Variants in EPHX4 observed in about 807,000 individuals in gnomAD.
The protein encoded by EPHX4 is epoxide hydrolase 4, also known as abhydrolase domain containing 7.
Under a neutral mutation model 44.9 loss-of-function variants are expected in EPHX4, and 31 were observed. The observed-to-expected ratio is 0.69, with a 90% CI of 0.52 to 0.93. EPHX4 has a LOEUF of 0.93. Among genes scored for constraint, EPHX4 ranks in the 40% least tolerant of loss-of-function variants. EPHX4 has a pLI of 0.00. For synonymous variants in EPHX4, 151 were observed against 159.7 expected, an observed-to-expected ratio of 0.95 and a Z score of 0.41; for missense variants, 373 against 438.1, an observed-to-expected ratio of 0.85 and a Z score of 1.33.
rs1688571404 is a variant in EPHX4, at chr1:92,045,557, C to T, written c.501C>T (p.Gly167=). 6.2e-7 allele frequency: 1 copy of T among 1,613,938 alleles called. No homozygotes were observed. Among genetic ancestry groups the T allele is most frequent in the South Asian group, 1.1e-5 (1 of 91,036 alleles). Residue 167 remains glycine (G), a synonymous_variant, in exon 4 of 7, where the codon GGC becomes GGT. Coordinates refer to ENST00000370383, the MANE Select transcript of EPHX4 (RefSeq NM_173567.5). ...GGTATAGCAAATGTGTTCTTATTGGCCATGACTGGGGGGGCATGATTGCTT... is the reference window on the plus strand; with the variant it reads ...GGTATAGCAAATGTGTTCTTATTGGTCATGACTGGGGGGGCATGATTGCTT... The part of the protein sequence containing the change: ...SLGYSKCVLI[G]HDWGGMIAWL...
At chr1:92,034,124 C>G (rs1570687066) in intron 2 of EPHX4, among the ~76,000 whole-genome samples, 1 of 132,282 alleles carries the variant, frequency 7.6e-6, no homozygotes, top group African/African-American at 2.8e-5. Context: ...AACCCTGTCT[C>G]TACTAAAAAT....
chr1:92,060,263 A>C (rs1196392224), intron 6 of EPHX4, among the ~76,000 whole-genome samples: 1 of 151,372 alleles, frequency 6.6e-6, no homozygotes, highest in Non-Finnish European at 1.5e-5. Flanking sequence ...TTTTTTTTTT[A>C]ATTAGTCAGC....
intron 2 of EPHX4, among the ~76,000 whole-genome samples, chr1:92,040,514 G>A (rs1450288359): frequency 2.6e-5 from 4 of 152,046 alleles, no homozygotes; most frequent in East Asian, 1.9e-4. Context: ...TAGTAGAAAC[G>A]GGGTTTCTCC....
intron 5 of EPHX4, 91 bp from the exon 6 acceptor site, chr1:92,052,419 C>A: frequency 7.9e-7 from 1 of 1,259,744 alleles, no homozygotes; most frequent in Non-Finnish European, 1.1e-6. Flanking sequence ...TGTCACCACA[C>A]AATGACCACC....
intron 4 of EPHX4, among the ~76,000 whole-genome samples, chr1:92,049,630 A>G (rs953974162): frequency 2.8e-4 from 43 of 152,344 alleles, no homozygotes; most frequent in African/African-American, 1.0e-3. Flanking sequence ...TGAACAAGGC[A>G]TTCAATTTGA....
intron 6 of EPHX4, among the ~76,000 whole-genome samples, chr1:92,054,537 G>A (rs1269649806): frequency 1.4e-5 from 2 of 145,254 alleles, no homozygotes; most frequent in African/African-American, 5.2e-5. Flanking sequence ...GCAGTGAACC[G>A]AGATCACGCC....
At chr1:92,062,234 A>G (rs376200668) in intron 6 of EPHX4, among the ~76,000 whole-genome samples, 6 of 152,102 alleles carry the variant, frequency 3.9e-5, no homozygotes, top group African/African-American at 1.4e-4. Flanking sequence ...AGTAACATAT[A>G]AATAGTTTAA....
chr1:92,031,493 G>A (rs557278780), intron 1 of EPHX4, among the ~76,000 whole-genome samples: 5 of 152,150 alleles, frequency 3.3e-5, no homozygotes, highest in African/African-American at 1.2e-4. Context: ...ACAGAGAACC[G>A]AGTGGAAAGA....
rs572804770 is a variant in EPHX4, at chr1:92,046,545, C to G, written c.604+885C>G. Among the ~76,000 whole-genome samples the G allele has an allele frequency of 1.9e-4, 29 of 152,256 alleles. No homozygotes were observed. In the East Asian group the frequency reaches 3.7e-3, roughly 19 times the overall value. On this transcript the variant is annotated intron_variant, in intron 4 of 6. Coordinates refer to ENST00000370383, the MANE Select transcript of EPHX4 (RefSeq NM_173567.5). ...GTGGCGCCATCTCGGCTCACTGCAA[C>G]CTCCACCTCCTGGGTTCAAGCGATT...
At chr1:92,036,227 T>C (rs1006698141) in intron 2 of EPHX4, among the ~76,000 whole-genome samples, 3 of 152,178 alleles carry the variant, frequency 2.0e-5, no homozygotes, top group African/African-American at 7.2e-5. Flanking sequence ...TTTCACCTCT[T>C]TACGTGCAGA....
intron 6 of EPHX4, among the ~76,000 whole-genome samples, chr1:92,054,998 GC>G (rs1425817066): frequency 2.6e-5 from 4 of 152,054 alleles, no homozygotes; most frequent in South Asian, 2.1e-4. Flanking sequence ...GTATATATAT[GC>G]TAATAATTTT....
At position 92,042,007 on chromosome 1, in the gene EPHX4, C is replaced by A. The variant is rs369188206; in HGVS notation, c.318-816C>A. Among the ~76,000 whole-genome samples, 5 of 152,250 alleles carry A rather than the reference C, an allele frequency of 3.3e-5. No individual in the cohort carries two copies. In the East Asian group the frequency reaches 7.7e-4, roughly 24 times the overall value. On this transcript the variant is annotated intron_variant, in intron 2 of 6. Coordinates refer to ENST00000370383, the MANE Select transcript of EPHX4 (RefSeq NM_173567.5). The stretch of plus-strand genomic sequence containing the variant: ...GAGGTTGCAGTGAGCCAAGATCATG[C>A]CATTGCACTCCAGCCTGGGCAATAA...
chr1:92,030,911 A>T (rs1688350852), intron 1 of EPHX4, among the ~76,000 whole-genome samples: 2 of 152,208 alleles, frequency 1.3e-5, no homozygotes. Flanking sequence ...GGAATGGAAT[A>T]AAAGGTAAAT....
chr1:92,059,261 C>T (rs947358532), intron 6 of EPHX4, among the ~76,000 whole-genome samples: 5 of 152,062 alleles, frequency 3.3e-5, no homozygotes, highest in African/African-American at 1.2e-4. Flanking sequence ...CATAGTGAAA[C>T]CCAGTCTCTA....
intron 2 of EPHX4, among the ~76,000 whole-genome samples, chr1:92,040,223 T>C (rs1688490245): frequency 7.0e-6 from 1 of 142,598 alleles, no homozygotes; most frequent in Admixed American, 7.8e-5. Flanking sequence ...TCACTCAGGC[T>C]GGAGTGCAGT....
chr1:92,031,489 A>T (rs1056633092), intron 1 of EPHX4, among the ~76,000 whole-genome samples: 2 of 152,198 alleles, frequency 1.3e-5, no homozygotes, highest in Non-Finnish European at 2.9e-5. Flanking sequence ...AGAGACAGAG[A>T]ACCGAGTGGA....
intron 1 of EPHX4, among the ~76,000 whole-genome samples, 183 bp from the exon 2 acceptor site, chr1:92,032,322 A>G (rs992088888): frequency 6.6e-6 from 1 of 152,260 alleles, no homozygotes; most frequent in African/African-American, 2.4e-5. Context: ...TTGAAAATTA[A>G]TAAAAGTAAA....
In EPHX4 at chr1:92,063,312, C is replaced by A; in HGVS notation, c.*26C>A. 1 of 1,461,394 alleles carries A rather than the reference C, an allele frequency of 6.8e-7. No homozygotes were observed. The highest frequency in any genetic ancestry group is 1.4e-5 in the South Asian group (1 of 72,970). The allele number at this position is 1,461,394 out of a possible 1,614,324, so 90.5% of individuals were successfully genotyped here. On this transcript the variant is annotated 3_prime_UTR_variant, in exon 7 of 7. Transcript: ENST00000370383. Reference sequence around the variant, plus strand: ...CTTTTCTTTATCTTCTATGAAGGGTCTGTAATGAAATCTCTAAATAATTTT... The same window carrying A: ...CTTTTCTTTATCTTCTATGAAGGGTATGTAATGAAATCTCTAAATAATTTT...
At chr1:92,033,051 G>A (rs76110971) in intron 2 of EPHX4, among the ~76,000 whole-genome samples, 7,776 of 151,602 alleles carry the variant, frequency 0.051, 234 homozygotes, top group African/African-American at 0.073. Flanking sequence ...CCAAGTAGCT[G>A]GGACTACAGG....
Sources: gnomAD v4.1 joint callset for allele counts (sites outside exome capture counted in the v4.1 genomes callset) on GRCh38, gnomAD v4.1.1 for gene constraint, MANE v1.5 for transcripts, NCBI Gene and HGNC (gene_info 2026-07-23, HGNC 2026-07-21) for gene names.